The following PCDHA9 variants were observed in gnomAD, a reference collection of about 807,000 sequenced individuals.
The protein encoded by PCDHA9 is protocadherin alpha 9, also known as protocadherin alpha-9.
PCDHA9 carries 62 observed loss-of-function variants against 62.0 expected under a neutral mutation model. That is an observed-to-expected ratio of 1.00 (90% CI 0.81 to 1.23). PCDHA9 has a LOEUF of 1.23. Among genes scored for constraint, PCDHA9 ranks in the 50% most tolerant of loss-of-function variants. The pLI, the probability that PCDHA9 is intolerant of heterozygous loss-of-function variation, is 0.00. For missense variants in PCDHA9, 1,205 were observed against 1,249.8 expected (o/e 0.96, Z 0.54); for synonymous variants, 557 against 567.6 (o/e 0.98, Z 0.27).
rs140423301 is a variant in PCDHA9 at position 140,995,612 on chromosome 5, C to T, written c.2542+13049C>T. Among the ~76,000 whole-genome samples, 11 of 152,156 alleles carry T rather than the reference C, an allele frequency of 7.2e-5. No individual in the cohort carries two copies. In the East Asian group the frequency reaches 2.1e-3, roughly 29 times the overall value. On this transcript the variant is annotated intron_variant, in intron 3 of 3. Transcript: ENST00000532602. ...AACTTAGTGTTTTTCTTCTCCCAAA[C>T]CAAATATTGGAAACTTTGGAGTGTT... is the stretch of plus-strand genomic sequence containing the variant.
At chr5:140,907,392 A>G (rs1362391388) in intron 1 of PCDHA9, among the ~76,000 whole-genome samples, 1 of 152,202 alleles carries the variant, frequency 6.6e-6, no homozygotes, top group Non-Finnish European at 1.5e-5. Context: ...GTCAAAGGCA[A>G]TGCTGTGTGG....
rs568722959 is a variant in PCDHA9 at position 140,970,085 on chromosome 5, T to C, written c.2395-8864T>C. Among the ~76,000 whole-genome samples the C allele has an allele frequency of 2.6e-5, 4 of 151,946 alleles. No homozygotes were observed. The East Asian group carries it at 7.7e-4, about 29-fold the overall frequency. ...TATTAGAATGAGTGGATTAGGGGTG[T>C]GGGGGGATGGTGAAGACCAAGAGAA... is the stretch of plus-strand genomic sequence containing the variant. On this transcript the variant is annotated intron_variant, in intron 1 of 3. Coordinates refer to ENST00000532602, the MANE Select transcript of PCDHA9 (RefSeq NM_031857.2).
rs782096178 is a variant in PCDHA9 at position 140,876,689 on chromosome 5, CGTT to C, written c.2394+25802_2394+25804del. The C allele has an allele frequency of 6.2e-6, 10 of 1,614,110 alleles. No homozygotes were observed. The East Asian group carries it at 1.6e-4, about 25-fold the overall frequency. On this transcript the variant is annotated intron_variant, in intron 1 of 3. Coordinates refer to ENST00000532602, the MANE Select transcript of PCDHA9 (RefSeq NM_031857.2). ...GTGTCCACCTACAAGAATTACTACT[CGTT>C]GGTGCTGGACAGCGCCCTGGACCGC...
chr5:140,967,565 C>A, intron 1 of PCDHA9: 1 of 1,614,080 alleles, frequency 6.2e-7, no homozygotes, highest in Non-Finnish European at 8.5e-7. Context: ...CGTCCAGCTA[C>A]GGGAGGACTC....
intron 1 of PCDHA9, among the ~76,000 whole-genome samples, chr5:140,924,901 AAAAATAAAATAAAAT>A (rs10667761): frequency 2.0e-3 from 158 of 80,494 alleles, no homozygotes; most frequent in African/African-American, 5.2e-3. Context: ...TCTCAAAAAA[AAAAATAAAATAAAAT>A]AAAATAAAAT....
intron 1 of PCDHA9, among the ~76,000 whole-genome samples, chr5:140,965,255 G>C (rs1426270395): frequency 1.3e-5 from 2 of 152,196 alleles, no homozygotes; most frequent in Non-Finnish European, 2.9e-5. Context: ...ATTCAGAACT[G>C]AGCAGCAGAG....
chr5:140,884,568 C>T (rs2060268107), intron 1 of PCDHA9: 2 of 1,614,210 alleles, frequency 1.2e-6, no homozygotes, highest in Non-Finnish European at 1.7e-6. Flanking sequence ...CCGCATAAGA[C>T]GGACCTCATG....
chr5:140,998,743 T>A (rs2097832293), intron 3 of PCDHA9, among the ~76,000 whole-genome samples: 1 of 152,138 alleles, frequency 6.6e-6, no homozygotes, highest in Non-Finnish European at 1.5e-5. Flanking sequence ...TTTGTATTTT[T>A]AGAAGAGACA....
chr5:140,968,091 C>T lies in PCDHA9; in HGVS notation c.2395-10858C>T, dbSNP rs782079016. 1.4e-5 allele frequency: 22 copies of T among 1,614,128 alleles called. No individual in the cohort carries two copies. Among genetic ancestry groups the T allele is most frequent in the Non-Finnish European group, 1.9e-5 (22 of 1,180,016 alleles). On this transcript the variant is annotated intron_variant, in intron 1 of 3. Coordinates refer to ENST00000532602, the MANE Select transcript of PCDHA9 (RefSeq NM_031857.2). ...GTCTACAACATCACGGTGACAGCCA[C>T]AGATGGGGGAATACCGCAGCTCACA...
chr5:140,914,944 CTT>C (rs35695909), intron 1 of PCDHA9, among the ~76,000 whole-genome samples: 2,964 of 128,208 alleles, frequency 0.023, 99 homozygotes, highest in African/African-American at 0.077. Flanking sequence ...GAAAAGTTGT[CTT>C]TTTTTTTTTT....
At chr5:140,928,134 G>T in intron 1 of PCDHA9, 1 of 1,614,180 alleles carries the variant, frequency 6.2e-7, no homozygotes, top group Non-Finnish European at 8.5e-7. Flanking sequence ...ACCAAGTCCT[G>T]ATCACGGCCT....
At chr5:140,971,987 G>A (rs1246433962) in intron 1 of PCDHA9, among the ~76,000 whole-genome samples, 1 of 152,086 alleles carries the variant, frequency 6.6e-6, no homozygotes, top group Non-Finnish European at 1.5e-5. Context: ...GTAGACAGAA[G>A]TTCCAATGTT....
intron 3 of PCDHA9, among the ~76,000 whole-genome samples, chr5:140,988,690 C>T (rs1286168942): frequency 2.6e-5 from 4 of 152,148 alleles, no homozygotes; most frequent in South Asian, 2.1e-4. Flanking sequence ...TTTCCCTAGA[C>T]GCTCTGTATT....
At chr5:140,979,922 A>T (rs1317860679) in intron 2 of PCDHA9, among the ~76,000 whole-genome samples, 1 of 152,276 alleles carries the variant, frequency 6.6e-6, no homozygotes, top group Non-Finnish European at 1.5e-5. Flanking sequence ...GAGAAAGCCT[A>T]CAAAGTATGT....
At chr5:140,870,686 A>G (rs2052295402) in intron 1 of PCDHA9, 2 of 1,612,732 alleles carry the variant, frequency 1.2e-6, no homozygotes, top group African/African-American at 2.7e-5. Flanking sequence ...GAGGAGCTGG[A>G]GCTGCTACAG....
intron 3 of PCDHA9, among the ~76,000 whole-genome samples, chr5:141,000,877 C>T (rs2097970762): frequency 6.6e-6 from 1 of 151,952 alleles, no homozygotes; most frequent in Non-Finnish European, 1.5e-5. Context: ...CATTGTACTC[C>T]AACCTGGGCA....
intron 1 of PCDHA9, chr5:140,856,391 G>A (rs1554148627): frequency 6.3e-7 from 1 of 1,598,560 alleles, no homozygotes; most frequent in Non-Finnish European, 8.6e-7. Context: ...GCCGCTGCAG[G>A]TTTTCCATGT....
intron 3 of PCDHA9, among the ~76,000 whole-genome samples, chr5:141,003,969 G>A (rs781827494): frequency 2.0e-5 from 3 of 152,158 alleles, no homozygotes; most frequent in Non-Finnish European, 4.4e-5. Flanking sequence ...GAGCATAAGG[G>A]AGGGGACTTG....
intron 1 of PCDHA9, among the ~76,000 whole-genome samples, chr5:140,903,417 T>C (rs1583492047): frequency 6.6e-6 from 1 of 152,200 alleles, no homozygotes; most frequent in Non-Finnish European, 1.5e-5. Flanking sequence ...CAGGAAAAAT[T>C]CAGCACAATA....
Sources: allele counts gnomAD v4.1 joint callset (sites outside exome capture counted in the v4.1 genomes callset), GRCh38; gene constraint gnomAD v4.1.1; transcripts MANE v1.5; gene names NCBI Gene and HGNC (gene_info 2026-07-23, HGNC 2026-07-21).